RB1CC1: variants seen among roughly 807,000 people sequenced by gnomAD.
The protein encoded by RB1CC1 is RB1 inducible coiled-coil 1, also known as RB1-inducible coiled-coil protein 1.
Under a neutral mutation model 177.5 loss-of-function variants are expected in RB1CC1, and 46 were observed. That is an observed-to-expected ratio of 0.26 (90% CI 0.20 to 0.33). The LOEUF (loss-of-function observed/expected upper bound fraction) is 0.33. Ranked by LOEUF, RB1CC1 falls within the 10% of genes least tolerant of loss-of-function variation. The pLI is 1.00. For missense variants in RB1CC1, 1,703 were observed against 1,816.3 expected, an observed-to-expected ratio of 0.94 and a Z score of 1.13; for synonymous variants, 666 against 613.6, an observed-to-expected ratio of 1.09 and a Z score of -1.26.
chr8:52,664,247 T>C lies in RB1CC1; in HGVS notation c.1174-2528A>G, dbSNP rs1029920155. 3.3e-5 allele frequency among the ~76,000 whole-genome samples: 5 copies of C among 152,298 alleles called. No individual in the cohort carries two copies. The South Asian group carries it at 8.3e-4, about 25-fold the overall frequency. The stretch of plus-strand genomic sequence containing the variant: ...TGAATCCTATCACATTCAGATTCAT[T>C]CAGGCACACTCAATTGAAAACTGTC... On this transcript the variant is annotated intron_variant, in intron 8 of 23. Coordinates refer to ENST00000025008, the MANE Select transcript of RB1CC1 (RefSeq NM_014781.5).
intron 23 of RB1CC1, 102 bp from the exon 24 acceptor site, chr8:52,623,961 A>G (rs1848214246): frequency 1.3e-6 from 1 of 774,204 alleles, no homozygotes; most frequent in Non-Finnish European, 2.2e-6. Context: ...AAACAAAAAA[A>G]TAAATAAACC....
chr8:52,685,399 G>C lies in RB1CC1; in HGVS notation c.71C>G (p.Thr24Ser). 6.3e-7 allele frequency: 1 copy of C among 1,583,148 alleles called. No homozygotes were observed. Among genetic ancestry groups the C allele is most frequent in the East Asian group, 2.2e-5 (1 of 44,552 alleles). ...LTFDTELTVQ[T>S]VADLKHAIQS... is the part of the protein sequence containing the mutation. ...AAAAAATAAATGAAATACAACTCAC[G>C]TTTGCACTGTAAGTTCAGTGTCAAA... is the stretch of plus-strand genomic sequence containing the variant. Residue 24 changes from threonine to serine, a missense_variant and splice_region_variant, in exon 3 of 24, where the codon ACT becomes AGT. Physicochemically the swap from Thr to Ser is moderately conservative, Grantham distance 58. Transcript: ENST00000025008.
intron 3 of RB1CC1, among the ~76,000 whole-genome samples, chr8:52,684,606 G>C (rs1854081278): frequency 6.6e-6 from 1 of 152,062 alleles, no homozygotes; most frequent in Non-Finnish European, 1.5e-5. Context: ...AGATACCTGA[G>C]TCCCACTAAA....
intron 1 of RB1CC1, among the ~76,000 whole-genome samples, chr8:52,693,318 C>CTA (rs1855078682): frequency 6.6e-6 from 1 of 152,136 alleles, no homozygotes; most frequent in Non-Finnish European, 1.5e-5. Flanking sequence ...AACAAACTAT[C>CTA]ATCAGAGTGA....
At chr8:52,630,448 C>T in intron 21 of RB1CC1, 22 bp downstream of exon 21, 2 of 1,548,552 alleles carry the variant, frequency 1.3e-6, no homozygotes, top group African/African-American at 1.4e-5. Context: ...CAGAAAAATA[C>T]TCACAAAACT....
At chr8:52,699,434 A>G (rs1198537293) in intron 1 of RB1CC1, among the ~76,000 whole-genome samples, 1 of 152,150 alleles carries the variant, frequency 6.6e-6, no homozygotes, top group Admixed American at 6.5e-5. Flanking sequence ...TGACGTGATG[A>G]TAACTGAATC....
intron 15 of RB1CC1, among the ~76,000 whole-genome samples, chr8:52,646,795 CATT>C (rs1240120862): frequency 6.6e-6 from 1 of 152,148 alleles, no homozygotes; most frequent in Non-Finnish European, 1.5e-5. Context: ...ATTAATAACT[CATT>C]AACTTCTAAT....
At chr8:52,650,451 C>T (rs114792503) in intron 15 of RB1CC1, among the ~76,000 whole-genome samples, 90 of 152,320 alleles carry the variant, frequency 5.9e-4, no homozygotes, top group African/African-American at 2.0e-3. Flanking sequence ...TATCAGTTTC[C>T]TAAGCCACCA....
intron 7 of RB1CC1, among the ~76,000 whole-genome samples, chr8:52,671,386 T>C (rs1418732499): frequency 1.3e-5 from 2 of 152,226 alleles, no homozygotes; most frequent in Non-Finnish European, 2.9e-5. Flanking sequence ...TATTACTTCA[T>C]TGGAAAACAG....
At chr8:52,642,850 G>A in intron 16 of RB1CC1, 38 bp from the exon 17 acceptor site, 1 of 1,464,382 alleles carries the variant, frequency 6.8e-7, no homozygotes, top group South Asian at 1.5e-5. Context: ...TTATCTACAT[G>A]TACTTAGCAG....
chr8:52,673,365 T>G (rs1392093763), intron 7 of RB1CC1, among the ~76,000 whole-genome samples: 2 of 152,200 alleles, frequency 1.3e-5, no homozygotes, highest in African/African-American at 4.8e-5. Context: ...ACAAGCTCAC[T>G]ATAACTATAA....
At chr8:52,685,874 A>T (rs1158393394) in intron 2 of RB1CC1, 1 of 154,182 alleles carries the variant, frequency 6.5e-6, no homozygotes, top group African/African-American at 2.4e-5. Context: ...TATCCCTGAG[A>T]GTTTTCCCCC....
intron 1 of RB1CC1, among the ~76,000 whole-genome samples, chr8:52,689,334 C>T (rs996666376): frequency 3.9e-5 from 6 of 152,160 alleles, no homozygotes; most frequent in African/African-American, 1.4e-4. Context: ...CATTTAAATA[C>T]TTAATGACAC....
At chr8:52,628,485 A>AT (rs991857397) in intron 21 of RB1CC1, among the ~76,000 whole-genome samples, 2 of 152,152 alleles carry the variant, frequency 1.3e-5, no homozygotes, top group African/African-American at 4.8e-5. Context: ...TCATAGCAAG[A>AT]TTTTTTTCTC....
chr8:52,666,293 AGGCAGGCCT>A (rs1308202691), intron 8 of RB1CC1, among the ~76,000 whole-genome samples: 3 of 152,086 alleles, frequency 2.0e-5, no homozygotes, highest in Admixed American at 6.6e-5. Flanking sequence ...TTGGAGGCCG[AGGCAGGCCT>A]GAGGTTAGGA....
intron 5 of RB1CC1, among the ~76,000 whole-genome samples, chr8:52,679,650 GGT>G (rs1394634266): frequency 1.3e-5 from 2 of 152,072 alleles, no homozygotes; most frequent in African/African-American, 4.8e-5. Context: ...CTATGTCTTG[GGT>G]GTGTCCTTAA....
At chr8:52,627,310 G>A (rs1161039007) in intron 22 of RB1CC1, among the ~76,000 whole-genome samples, 4 of 152,138 alleles carry the variant, frequency 2.6e-5, no homozygotes, top group Non-Finnish European at 2.9e-5. Flanking sequence ...TCGTGCCACC[G>A]CACTCCAGCC....
intron 7 of RB1CC1, among the ~76,000 whole-genome samples, chr8:52,670,242 A>T (rs1852442791): frequency 1.3e-5 from 2 of 152,324 alleles, no homozygotes; most frequent in South Asian, 4.1e-4. Context: ...TGACTTCCTA[A>T]AATCTCACTG....
chr8:52,629,888 TC>T (rs1472025883), intron 21 of RB1CC1, among the ~76,000 whole-genome samples: 3 of 152,106 alleles, frequency 2.0e-5, no homozygotes, highest in Admixed American at 2.0e-4. Context: ...ATGTCTCATG[TC>T]TCCCTAAAAT....
Sources: allele counts gnomAD v4.1 joint callset (sites outside exome capture counted in the v4.1 genomes callset), GRCh38; gene constraint gnomAD v4.1.1; transcripts MANE v1.5; gene names NCBI Gene and HGNC (gene_info 2026-07-23, HGNC 2026-07-21).